The following KCTD16 variants were observed in gnomAD, a reference collection of about 807,000 sequenced individuals.
The protein encoded by KCTD16 is potassium channel tetramerization domain containing 16.
A neutral mutation model predicts 33.2 loss-of-function variants in KCTD16; 13 were observed. The observed-to-expected ratio is 0.39, with a 90% CI of 0.25 to 0.62. The LOEUF is 0.62. Ranked by LOEUF, KCTD16 falls within the 20% of genes least tolerant of loss-of-function variation. The pLI, the probability that KCTD16 is intolerant of heterozygous loss-of-function variation, is 0.50. For missense variants in KCTD16, 441 were observed against 525.1 expected (o/e 0.84, Z 1.57); for synonymous variants, 197 against 195.3 (o/e 1.01, Z -0.07).
At chr5:144,356,800 C>T (rs751597895) in intron 3 of KCTD16, among the ~76,000 whole-genome samples, 1 of 152,136 alleles carries the variant, frequency 6.6e-6, no homozygotes, top group African/African-American at 2.4e-5. Flanking sequence ...AAGCTCCCCT[C>T]CCGCTTTTCC....
At chr5:144,449,605 A>G (rs1441270735) in intron 3 of KCTD16, among the ~76,000 whole-genome samples, 2 of 152,026 alleles carry the variant, frequency 1.3e-5, no homozygotes, top group African/African-American at 2.4e-5. Context: ...TTACAGAGCT[A>G]TGGTAATTAA....
intron 3 of KCTD16, among the ~76,000 whole-genome samples, chr5:144,437,240 C>T (rs1753599606): frequency 6.6e-6 from 1 of 152,134 alleles, no homozygotes. Flanking sequence ...GTAATCAACT[C>T]ACCAAGCCTG....
intron 3 of KCTD16, among the ~76,000 whole-genome samples, chr5:144,414,274 C>T (rs1752998603): frequency 6.6e-6 from 1 of 152,134 alleles, no homozygotes; most frequent in Admixed American, 6.5e-5. Context: ...TAAAATAGGT[C>T]TAGCCTCTGA....
intron 3 of KCTD16, among the ~76,000 whole-genome samples, chr5:144,220,879 T>C (rs933324844): frequency 4.0e-5 from 6 of 150,098 alleles, no homozygotes. Flanking sequence ...AGACGGAGGT[T>C]GCAGTGAGCC....
intron 3 of KCTD16, among the ~76,000 whole-genome samples, chr5:144,316,597 C>T (rs1321333946): frequency 6.7e-6 from 1 of 148,784 alleles, no homozygotes; most frequent in African/African-American, 2.5e-5. Flanking sequence ...ACTGCAACCT[C>T]CACCTCCCGG....
At chr5:144,292,441 C>T (rs1755920234) in intron 3 of KCTD16, among the ~76,000 whole-genome samples, 2 of 152,050 alleles carry the variant, frequency 1.3e-5, no homozygotes, top group Admixed American at 6.6e-5. Context: ...GAGGCCAGGT[C>T]AAAGGTGGTG....
chr5:144,280,542 TTCTC>T (rs1027629730), intron 3 of KCTD16, among the ~76,000 whole-genome samples: 1 of 152,214 alleles, frequency 6.6e-6, no homozygotes, highest in African/African-American at 2.4e-5. Flanking sequence ...AATTTGTGTT[TTCTC>T]TCTCTTTCTT....
intron 2 of KCTD16, chr5:144,205,494 T>G: frequency 2.5e-6 from 1 of 398,640 alleles, no homozygotes; most frequent in Non-Finnish European, 4.4e-6. Context: ...GGCCTCTGGC[T>G]CGCACCGGCT....
At chr5:144,192,421 A>G (rs1314411810) in intron 2 of KCTD16, among the ~76,000 whole-genome samples, 2 of 152,232 alleles carry the variant, frequency 1.3e-5, no homozygotes, top group East Asian at 1.9e-4. Context: ...TTGCTTAATC[A>G]TTACATTTTG....
intron 3 of KCTD16, among the ~76,000 whole-genome samples, chr5:144,448,333 C>T (rs977552697): frequency 6.6e-6 from 1 of 152,092 alleles, no homozygotes; most frequent in Admixed American, 6.6e-5. Flanking sequence ...TTTCTCTCTA[C>T]TAGGCCCAGT....
chr5:144,296,756 G>A (rs1387679072), intron 3 of KCTD16, among the ~76,000 whole-genome samples: 2 of 151,750 alleles, frequency 1.3e-5, no homozygotes, highest in Non-Finnish European at 2.9e-5. Flanking sequence ...AGAAGTCAAG[G>A]TTAAAAAAAA....
chr5:144,252,982 A>G lies in KCTD16; in HGVS notation c.832+45436A>G, dbSNP rs75738393. Among the ~76,000 whole-genome samples, 59 of 146,772 alleles carry G rather than the reference A, an allele frequency of 4.0e-4. 1 individual carries two copies. The East Asian group carries it at 0.011, about 28-fold the overall frequency. ...AAATCAGTAGCTCTTTTGGATTTCCATGACCTATTGTTTGAAGCCAGACCT... is the reference window on the plus strand; with the variant it reads ...AAATCAGTAGCTCTTTTGGATTTCCGTGACCTATTGTTTGAAGCCAGACCT... On this transcript the variant is annotated intron_variant, in intron 3 of 3. Transcript: ENST00000512467.
At chr5:144,277,331 C>T (rs1232767747) in intron 3 of KCTD16, among the ~76,000 whole-genome samples, 2 of 152,134 alleles carry the variant, frequency 1.3e-5, no homozygotes, top group African/African-American at 4.8e-5. Context: ...TGAGACTGCT[C>T]CATTGGGCTG....
Position 144,206,492 on chromosome 5 carries a change from A to G in KCTD16, c.-223A>G, listed in dbSNP as rs1753174938. ...ATATTTTATGAAGTAGCAGCTCACT[A>G]CCATCCACCATCCAGGGTTTAAACT... is the stretch of plus-strand genomic sequence containing the variant. On this transcript the variant is annotated 5_prime_UTR_variant, in exon 3 of 4. Coordinates refer to ENST00000512467, the MANE Select transcript of KCTD16 (RefSeq NM_020768.4). The G allele has an allele frequency of 2.0e-6, 1 of 499,778 alleles. No individual in the cohort carries two copies. Among genetic ancestry groups the G allele is most frequent in the Non-Finnish European group, 3.5e-6 (1 of 284,618 alleles). The allele number at this position is 499,778 out of a possible 1,614,324, so 31.0% of individuals were successfully genotyped here. A position where few individuals can be genotyped will look rare whatever the true frequency, so the allele number is the denominator to read the frequency against.
At chr5:144,395,865 A>G (rs1242141770) in intron 3 of KCTD16, among the ~76,000 whole-genome samples, 1 of 152,082 alleles carries the variant, frequency 6.6e-6, no homozygotes, top group Non-Finnish European at 1.5e-5. Flanking sequence ...CCTCTACATC[A>G]GGTGTTGGCA....
intron 3 of KCTD16, among the ~76,000 whole-genome samples, chr5:144,255,864 C>G (rs1308694554): frequency 6.6e-6 from 1 of 152,160 alleles, no homozygotes; most frequent in African/African-American, 2.4e-5. Flanking sequence ...TAGAGAATGT[C>G]TGATTCTTTT....
chr5:144,234,940 G>A (rs989365), intron 3 of KCTD16, among the ~76,000 whole-genome samples: 44,546 of 151,750 alleles, frequency 0.29, 6,680 homozygotes, highest in African/African-American at 0.34. Context: ...CCTTTCCCAC[G>A]ATTTCCTGAT....
chr5:144,429,807 A>G (rs1561605049), intron 3 of KCTD16, among the ~76,000 whole-genome samples: 1 of 152,148 alleles, frequency 6.6e-6, no homozygotes, highest in African/African-American at 2.4e-5. Flanking sequence ...CAAGGCAGAC[A>G]GGAATATACA....
intron 3 of KCTD16, among the ~76,000 whole-genome samples, chr5:144,215,874 A>G (rs1371302229): frequency 1.3e-5 from 2 of 152,240 alleles, no homozygotes; most frequent in Non-Finnish European, 2.9e-5. Flanking sequence ...AAACAAAAAT[A>G]TACAGAAGTC....
Sources: allele counts gnomAD v4.1 joint callset (sites outside exome capture counted in the v4.1 genomes callset), GRCh38; gene constraint gnomAD v4.1.1; transcripts MANE v1.5; gene names NCBI Gene and HGNC (gene_info 2026-07-23, HGNC 2026-07-21).